The following PTPRT variants were observed in gnomAD, a reference collection of about 807,000 sequenced individuals.
PTPRT encodes receptor-type tyrosine-protein phosphatase T.
In PTPRT, 56 loss-of-function variants were observed where a neutral mutation model predicts 176.8. The ratio of observed to expected loss-of-function variants is 0.32; its 90% CI spans 0.26 to 0.40. The LOEUF (loss-of-function observed/expected upper bound fraction) is 0.40. Among genes scored for constraint, PTPRT ranks in the 10% least tolerant of loss-of-function variants. PTPRT has a pLI of 1.00. For missense variants in PTPRT, 1,540 were observed against 1,908.2 expected (o/e 0.81, Z 3.60); for synonymous variants, 783 against 739.0 (o/e 1.06, Z -0.96).
intron 17 of PTPRT, among the ~76,000 whole-genome samples, chr20:42,153,900 A>G (rs536031178): frequency 6.6e-6 from 1 of 152,270 alleles, no homozygotes; most frequent in Admixed American, 6.5e-5. Flanking sequence ...CATGATCATA[A>G]CCATAGTCTC....
At chr20:42,974,146 G>C (rs1982811274) in intron 1 of PTPRT, among the ~76,000 whole-genome samples, 1 of 152,118 alleles carries the variant, frequency 6.6e-6, no homozygotes, top group African/African-American at 2.4e-5. Context: ...AGCTGAACAG[G>C]TGTACGTGGC....
chr20:42,229,134 TG>T (rs1247593616), intron 15 of PTPRT, among the ~76,000 whole-genome samples: 6 of 152,164 alleles, frequency 3.9e-5, no homozygotes, highest in African/African-American at 1.4e-4. Flanking sequence ...CAGAGTGATG[TG>T]AGGATGCCAT....
intron 1 of PTPRT, among the ~76,000 whole-genome samples, chr20:43,102,620 A>G (rs573437548): frequency 5.3e-4 from 80 of 152,292 alleles, no homozygotes; most frequent in African/African-American, 1.9e-3. Context: ...AGTGATGGCA[A>G]TTTGTGGCTG....
chr20:43,107,483 C>T (rs2012665982), intron 1 of PTPRT, among the ~76,000 whole-genome samples: 2 of 152,210 alleles, frequency 1.3e-5, no homozygotes, highest in Admixed American at 6.5e-5. Flanking sequence ...AAGACATCAC[C>T]TTCCACTGGG....
intron 8 of PTPRT, among the ~76,000 whole-genome samples, chr20:42,451,756 G>A (rs980057217): frequency 7.2e-5 from 11 of 152,132 alleles, no homozygotes; most frequent in Non-Finnish European, 1.0e-4. Flanking sequence ...TGTCCTCAAG[G>A]TGACTCGTGA....
intron 6 of PTPRT, among the ~76,000 whole-genome samples, chr20:42,701,799 T>C (rs1317376464): frequency 2.0e-5 from 3 of 152,026 alleles, no homozygotes; most frequent in Non-Finnish European, 4.4e-5. Flanking sequence ...GTTTTCATAG[T>C]CCTCACACTA....
intron 7 of PTPRT, among the ~76,000 whole-genome samples, chr20:42,655,548 A>G: frequency 6.6e-6 from 1 of 152,226 alleles, no homozygotes; most frequent in East Asian, 1.9e-4. Flanking sequence ...ATGGGTGTAA[A>G]ATAAAACATG....
chr20:42,212,315 AGAC>A (rs373927160), intron 15 of PTPRT, among the ~76,000 whole-genome samples: 2 of 82,024 alleles, frequency 2.4e-5, no homozygotes, highest in Non-Finnish European at 5.2e-5. Flanking sequence ...AAAAAAAAAA[AGAC>A]AAAAAAAAAA....
At chr20:42,114,417 A>T (rs545001182) in intron 22 of PTPRT, among the ~76,000 whole-genome samples, 1 of 152,356 alleles carries the variant, frequency 6.6e-6, no homozygotes, top group Non-Finnish European at 1.5e-5. Context: ...ATTATGATAT[A>T]ATAGTAATGA....
intron 11 of PTPRT, among the ~76,000 whole-genome samples, chr20:42,343,318 A>G (rs1460717155): frequency 6.6e-6 from 1 of 152,130 alleles, no homozygotes; most frequent in Admixed American, 6.6e-5. Context: ...AGAGAATGGC[A>G]CCACTTTCCA....
the PTPRT span, among the ~76,000 whole-genome samples, chr20:42,057,833 C>T: frequency 6.6e-6 from 1 of 152,238 alleles, no homozygotes; most frequent in South Asian, 2.1e-4. Context: ...CCCACCTTGG[C>T]CTCCCCCTGT....
At chr20:42,579,970 T>A (rs1050518813) in intron 7 of PTPRT, among the ~76,000 whole-genome samples, 1 of 152,218 alleles carries the variant, frequency 6.6e-6, no homozygotes, top group Non-Finnish European at 1.5e-5. Context: ...AGTCATGAAG[T>A]CCTTGCCCAT....
chr20:42,665,074 G>A (rs1220119795), intron 7 of PTPRT, among the ~76,000 whole-genome samples: 1 of 151,984 alleles, frequency 6.6e-6, no homozygotes, highest in Non-Finnish European at 1.5e-5. Context: ...AAAAGCAATG[G>A]CAACAAAAGC....
At chr20:42,985,230 C>T (rs1027494120) in intron 1 of PTPRT, among the ~76,000 whole-genome samples, 61 of 152,154 alleles carry the variant, frequency 4.0e-4, no homozygotes, top group African/African-American at 1.4e-3. Context: ...GGTGTGGTGG[C>T]TCACACCTGT....
intron 7 of PTPRT, among the ~76,000 whole-genome samples, chr20:42,635,802 C>T (rs34966782): frequency 0.1 from 15,276 of 152,032 alleles, 969 homozygotes; most frequent in Non-Finnish European, 0.15. Flanking sequence ...GTTGGTAGAA[C>T]GAGATCCAGA....
intron 1 of PTPRT, among the ~76,000 whole-genome samples, chr20:43,180,479 TTCAAA>T (rs755951447): frequency 5.3e-5 from 8 of 151,814 alleles, no homozygotes; most frequent in Admixed American, 1.3e-4. Context: ...CATTTTTTTT[TTCAAA>T]CAGAGTTTCA....
intron 2 of PTPRT, among the ~76,000 whole-genome samples, chr20:42,821,623 C>T (rs1359639714): frequency 1.3e-5 from 2 of 152,146 alleles, no homozygotes; most frequent in African/African-American, 4.8e-5. Flanking sequence ...GTCAAGTTGT[C>T]TCTGTTTGCA....
intron 28 of PTPRT, 95 bp from the exon 29 acceptor site, chr20:42,084,940 G>A: frequency 9.0e-7 from 1 of 1,109,672 alleles, no homozygotes; most frequent in Non-Finnish European, 1.2e-6. Context: ...CATGGTGGAA[G>A]ACAGACCAAA....
In PTPRT at chr20:42,154,401, C is replaced by A. The variant is rs565218772; in HGVS notation, c.2682+6951G>T. ...TCAAAAGCTGCCTGCCTGCCATCAC[C>A]CCATCACCCACAGATGACTAAGAAC... On this transcript the variant is annotated intron_variant, in intron 17 of 30. Coordinates refer to ENST00000373187, the MANE Select transcript of PTPRT (RefSeq NM_007050.6). 2.0e-5 allele frequency among the ~76,000 whole-genome samples: 3 copies of A among 152,270 alleles called. No individual in the cohort carries two copies. The East Asian group carries it at 5.8e-4, about 29-fold the overall frequency.
Sources: allele counts gnomAD v4.1 joint callset (sites outside exome capture counted in the v4.1 genomes callset), GRCh38; gene constraint gnomAD v4.1.1; transcripts MANE v1.5; gene names NCBI Gene and HGNC (gene_info 2026-07-23, HGNC 2026-07-21).